The following IKBIP variants were observed in gnomAD, a reference collection of about 807,000 sequenced individuals.
IKBIP encodes the protein IKBKB interacting protein.
Under a neutral mutation model 31.0 loss-of-function variants are expected in IKBIP, and 28 were observed. The ratio of observed to expected loss-of-function variants is 0.90; its 90% CI spans 0.67 to 1.24. IKBIP has a LOEUF of 1.24. Ranked by LOEUF, IKBIP falls within the 50% of genes most tolerant of loss-of-function variation. The pLI, the probability that IKBIP is intolerant of heterozygous loss-of-function variation, is 0.00. For missense variants in IKBIP, 453 were observed against 441.9 expected, an observed-to-expected ratio of 1.03 and a Z score of -0.23; for synonymous variants, 164 against 160.3, an observed-to-expected ratio of 1.02 and a Z score of -0.17.
At position 98,626,412 on chromosome 12, in the gene IKBIP, T is replaced by G; in HGVS notation, c.652A>C (p.Arg218=). Residue 218 remains arginine, a synonymous_variant, in exon 3 of 3, where the codon AGA becomes CGA. Coordinates refer to ENST00000299157, the MANE Select transcript of IKBIP (RefSeq NM_153687.4). The part of the protein sequence containing the change: ...STLRNIRTVK[R]QEEEDLLRVE... ...CGCAGGAGATCTTCTTCTTCTTGTC[T>G]TTTTACTGTTCTAATATTTCTTAGT... 6.2e-7 allele frequency: 1 copy of G among 1,613,440 alleles called. No homozygotes were observed. Among genetic ancestry groups the G allele is most frequent in the East Asian group, 2.2e-5 (1 of 44,878 alleles).
At position 98,626,395 on chromosome 12, in the gene IKBIP, A is replaced by ATCT. The variant is rs745976866; in HGVS notation, c.666_668dup (p.Glu222dup). 1 of 1,613,532 alleles carries ATCT rather than the reference A, an allele frequency of 6.2e-7. No homozygotes were observed. Among genetic ancestry groups the ATCT allele is most frequent in the Admixed American group, 1.7e-5 (1 of 59,992 alleles). ...CTAGCTGCTCCTCTACTCGCAGGAGATCTTCTTCTTCTTGTCTTTTTACTG... is the reference window on the plus strand; with the variant it reads ...CTAGCTGCTCCTCTACTCGCAGGAGATCTTCTTCTTCTTCTTGTCTTTTTACTG... On this transcript the variant is annotated inframe_insertion, in exon 3 of 3. Coordinates refer to ENST00000299157, the MANE Select transcript of IKBIP (RefSeq NM_153687.4).
chr12:98,629,819 C>A (rs1013772335), intron 2 of IKBIP, among the ~76,000 whole-genome samples: 8 of 152,130 alleles, frequency 5.3e-5, no homozygotes, highest in African/African-American at 1.9e-4. Context: ...AAGCAGTATA[C>A]CCCAAGTAAG....
At chr12:98,627,971 T>C (rs1022653932) in intron 2 of IKBIP, among the ~76,000 whole-genome samples, 2 of 152,236 alleles carry the variant, frequency 1.3e-5, no homozygotes, top group Non-Finnish European at 2.9e-5. Context: ...TTTAAGTATT[T>C]GTAAATTATG....
chr12:98,614,843 A>C (rs948889572), intron 2 of IKBIP, among the ~76,000 whole-genome samples: 1 of 152,244 alleles, frequency 6.6e-6, no homozygotes, highest in African/African-American at 2.4e-5. Context: ...ATGAATAAGA[A>C]GGAAACATTA....
intron 2 of IKBIP, among the ~76,000 whole-genome samples, chr12:98,630,552 T>G (rs1264217271): frequency 1.3e-5 from 2 of 152,130 alleles, no homozygotes; most frequent in Non-Finnish European, 2.9e-5. Flanking sequence ...CAACGTTGTT[T>G]CGATGTCCTT....
At chr12:98,628,596 A>C (rs1163885165) in intron 2 of IKBIP, among the ~76,000 whole-genome samples, 1 of 152,198 alleles carries the variant, frequency 6.6e-6, no homozygotes, top group Non-Finnish European at 1.5e-5. Context: ...AGCACCTATT[A>C]CACATATATT....
At chr12:98,637,254 C>A (rs1042030745) in intron 1 of IKBIP, among the ~76,000 whole-genome samples, 47 of 151,934 alleles carry the variant, frequency 3.1e-4, no homozygotes, top group African/African-American at 1.1e-3. Flanking sequence ...GAAAAAAGTA[C>A]AAAGCTGACT....
Position 98,626,094 on chromosome 12 carries a change from T to C in IKBIP, c.970A>G (p.Thr324Ala). The change falls in exon 3 of 3, where the codon ACC becomes GCC. Residue 324 changes from threonine to alanine, a missense_variant. Coordinates refer to ENST00000299157, the MANE Select transcript of IKBIP (RefSeq NM_153687.4). ...AVSEIMEMQK[T>A]LEGIQYDNSI... ...TTATCATACTGAATTCCTTCAAGGG[T>C]TTTCTGCATCTCCATTATTTCAGAC... 1 of 1,601,828 alleles carries C rather than the reference T, an allele frequency of 6.2e-7. No individual in the cohort carries two copies. Among genetic ancestry groups the C allele is most frequent in the Non-Finnish European group, 8.5e-7 (1 of 1,173,042 alleles).
chr12:98,617,851 T>C (rs1050012200), intron 2 of IKBIP, among the ~76,000 whole-genome samples: 1 of 152,248 alleles, frequency 6.6e-6, no homozygotes. Context: ...CATTTGACTT[T>C]TGCATATTTA....
intron 2 of IKBIP, among the ~76,000 whole-genome samples, chr12:98,618,353 G>A (rs1024779408): frequency 7.2e-5 from 11 of 152,050 alleles, no homozygotes; most frequent in African/African-American, 1.7e-4. Flanking sequence ...GAGGCCAGGC[G>A]CGGTGGCTCA....
chr12:98,613,522 C>T (rs1444294805), exon 3 of IKBIP: 1 of 712,982 alleles, frequency 1.4e-6, no homozygotes, highest in Non-Finnish European at 2.2e-6. Flanking sequence ...TTTTGATTTA[C>T]CAGTCTTCTC....
At chr12:98,615,360 G>A (rs1267778174) in intron 2 of IKBIP, among the ~76,000 whole-genome samples, 1 of 152,050 alleles carries the variant, frequency 6.6e-6, no homozygotes, top group Non-Finnish European at 1.5e-5. Flanking sequence ...AGTCTCCAGA[G>A]TAGATGGTAC....
At chr12:98,638,803 G>A (rs1481420747) in intron 1 of IKBIP, among the ~76,000 whole-genome samples, 1 of 151,724 alleles carries the variant, frequency 6.6e-6, no homozygotes, top group Non-Finnish European at 1.5e-5. Flanking sequence ...TTGTTTGTTC[G>A]TTTTTTGAGG....
At chr12:98,640,986 C>A (rs1404537966) in intron 1 of IKBIP, among the ~76,000 whole-genome samples, 1 of 152,180 alleles carries the variant, frequency 6.6e-6, no homozygotes, top group Non-Finnish European at 1.5e-5. Flanking sequence ...TGGTCTTGAA[C>A]TCCTGAGCTC....
At chr12:98,629,945 AT>A (rs923021391) in intron 2 of IKBIP, among the ~76,000 whole-genome samples, 3 of 152,030 alleles carry the variant, frequency 2.0e-5, no homozygotes, top group African/African-American at 7.2e-5. Flanking sequence ...TACTAAAAAA[AT>A]TTTTTTTGTA....
intron 2 of IKBIP, among the ~76,000 whole-genome samples, chr12:98,618,423 G>A (rs867579639): frequency 2.0e-5 from 3 of 151,642 alleles, no homozygotes; most frequent in Admixed American, 6.6e-5. Context: ...TCAAGAGATC[G>A]AGACCATCCT....
downstream of IKBIP, among the ~76,000 whole-genome samples, chr12:98,622,390 T>C (rs1178895725): frequency 6.6e-6 from 1 of 152,044 alleles, no homozygotes; most frequent in East Asian, 1.9e-4. Context: ...GGCATGGCGG[T>C]GTGCACCTGT....
At chr12:98,634,190 T>C (rs988715849) in intron 2 of IKBIP, 106 bp downstream of exon 2, 37 of 645,260 alleles carry the variant, frequency 5.7e-5, no homozygotes, top group South Asian at 3.7e-4. Context: ...GTTAAAATAG[T>C]GATGGTCTAA....
At chr12:98,638,427 G>A (rs569509975) in intron 1 of IKBIP, among the ~76,000 whole-genome samples, 3 of 152,138 alleles carry the variant, frequency 2.0e-5, no homozygotes, top group East Asian at 1.9e-4. Context: ...GAACACAGGC[G>A]TGTGCCATAA....
Sources: allele counts gnomAD v4.1 joint callset (sites outside exome capture counted in the v4.1 genomes callset), GRCh38; gene constraint gnomAD v4.1.1; transcripts MANE v1.5; gene names NCBI Gene and HGNC (gene_info 2026-07-23, HGNC 2026-07-21).